MYO19: variants seen among roughly 807,000 people sequenced by gnomAD.
MYO19 encodes the protein myosin XIX, also known as unconventional myosin-XIX.
In MYO19, 132 loss-of-function variants were observed where a neutral mutation model predicts 129.2. The observed-to-expected ratio is 1.02, with a 90% CI of 0.89 to 1.18. The LOEUF (loss-of-function observed/expected upper bound fraction) is 1.18. Ranked by LOEUF, MYO19 falls within the 50% of genes most tolerant of loss-of-function variation. The probability of loss-of-function intolerance (pLI) is 0.00; values close to 1 mark genes in which losing one functional copy is unlikely to be tolerated. For synonymous variants in MYO19, 531 were observed against 477.2 expected, an observed-to-expected ratio of 1.11 and a Z score of -1.47; for missense variants, 1,210 against 1,216.7, an observed-to-expected ratio of 0.99 and a Z score of 0.08.
At chr17:36,508,949 A>T in intron 14 of MYO19, 113 bp downstream of exon 14, 2 of 885,638 alleles carry the variant, frequency 2.3e-6, no homozygotes, top group Non-Finnish European at 3.6e-6. Flanking sequence ...AGGAGACAAA[A>T]AAGGGAAAGG....
rs1314708390 is a variant in MYO19 at position 36,507,798 on chromosome 17, C to A, written c.1353+5G>T. ...GACCTGCCTCCTGCTCACCCCATCC[C>A]TCACCTGCTGGGCCCTTAGGTAGTG... On this transcript the variant is annotated splice_donor_5th_base_variant and intron_variant, in intron 15 of 25. Transcript: ENST00000614623. 2.5e-6 allele frequency: 4 copies of A among 1,605,500 alleles called. No homozygotes were observed. The highest frequency in any genetic ancestry group is 3.4e-4 in the Middle Eastern group (2 of 5,934).
At chr17:36,536,807 G>A (rs1199945005), upstream of MYO19, among the ~76,000 whole-genome samples, 1 of 152,298 alleles carries the variant, frequency 6.6e-6, no homozygotes, top group African/African-American at 2.4e-5. Context: ...GAGCCACCAC[G>A]CCTGGCCCCA....
At chr17:36,535,871 C>T (rs1420133955), upstream of MYO19, among the ~76,000 whole-genome samples, 2 of 151,834 alleles carry the variant, frequency 1.3e-5, no homozygotes, top group African/African-American at 4.8e-5. Flanking sequence ...CTCTCTCCTC[C>T]CAAAGCGCTA....
At chr17:36,537,218 G>T (rs764540154), upstream of MYO19, 1 of 1,614,170 alleles carries the variant, frequency 6.2e-7, no homozygotes, top group Non-Finnish European at 8.5e-7. Flanking sequence ...GAGGGTTCCT[G>T]ATCATTTTCT....
chr17:36,505,563 C>T (rs889068507), intron 18 of MYO19, among the ~76,000 whole-genome samples, 159 bp from the exon 19 acceptor site: 8 of 152,188 alleles, frequency 5.3e-5, no homozygotes, highest in South Asian at 4.1e-4. Flanking sequence ...AGGCTCTCAA[C>T]GAGCAGGCTC....
At chr17:36,507,164 G>C (rs746765375) in intron 16 of MYO19, 25 bp from the exon 17 acceptor site, 2 of 1,587,438 alleles carry the variant, frequency 1.3e-6, no homozygotes, top group East Asian at 4.5e-5. Flanking sequence ...CAGGGGGTCA[G>C]CCACCAACAT....
chr17:36,500,398 A>C (rs1165502851), intron 23 of MYO19: 2 of 163,288 alleles, frequency 1.2e-5, no homozygotes, highest in African/African-American at 4.8e-5. Context: ...CCTTTTCAAA[A>C]TAAGACCACT....
At chr17:36,524,244 T>C (rs1287250961) in intron 6 of MYO19, among the ~76,000 whole-genome samples, 12 of 152,186 alleles carry the variant, frequency 7.9e-5, no homozygotes. Context: ...CTGTCTTTGT[T>C]TTCTTATCTG....
At chr17:36,514,408 C>T (rs761350287) in intron 9 of MYO19, 38 bp downstream of exon 9, 5 of 1,360,314 alleles carry the variant, frequency 3.7e-6, no homozygotes, top group Non-Finnish European at 5.3e-6. Context: ...CCATCCCTGT[C>T]TCGCATCTGG....
intron 13 of MYO19, chr17:36,509,982 T>G (rs1290395243): frequency 6.6e-6 from 1 of 152,234 alleles, no homozygotes; most frequent in East Asian, 1.9e-4. Context: ...CCCTGGACCA[T>G]TTTCAACTCG....
intron 21 of MYO19, chr17:36,502,869 T>TC: frequency 1.7e-6 from 1 of 575,334 alleles, no homozygotes; most frequent in Non-Finnish European, 3.1e-6. Context: ...CAGGAAGCCT[T>TC]CCCCAATTCA....
At chr17:36,535,967 T>C (rs2074107591), upstream of MYO19, among the ~76,000 whole-genome samples, 1 of 152,226 alleles carries the variant, frequency 6.6e-6, no homozygotes, top group Non-Finnish European at 1.5e-5. Flanking sequence ...TGAGATATTG[T>C]CACAGGTTCC....
upstream of MYO19, among the ~76,000 whole-genome samples, chr17:36,543,879 G>C (rs2074216934): frequency 6.6e-6 from 1 of 151,194 alleles, no homozygotes; most frequent in Non-Finnish European, 1.5e-5. Context: ...CACCCACCTC[G>C]GCCTCCCAAA....
chr17:36,504,106 C>T, intron 19 of MYO19, 86 bp from the exon 20 acceptor site: 5 of 1,139,868 alleles, frequency 4.4e-6, no homozygotes, highest in Non-Finnish European at 6.0e-6. Flanking sequence ...TCTTCTTAGA[C>T]CCTGGCCAGT....
At position 36,500,622 on chromosome 17, in the gene MYO19, T is replaced by C. The variant is rs368794771; in HGVS notation, c.2377+208A>G. 12 of 637,808 alleles carry C rather than the reference T, an allele frequency of 1.9e-5. No individual in the cohort carries two copies. In the East Asian group the frequency reaches 3.4e-4, roughly 18 times the overall value. 39.5% of individuals were successfully genotyped at this position (637,808 alleles called of 1,614,324 possible). ...AGCCTCCACTTCTTACAGAGCACCT[T>C]TGTTTGTGGAGTGACTTGGTTTCCA... On this transcript the variant is annotated intron_variant, in intron 23 of 25. Coordinates refer to ENST00000614623, the MANE Select transcript of MYO19 (RefSeq NM_001163735.2).
chr17:36,513,566 C>T, intron 10 of MYO19, 61 bp from the exon 11 acceptor site: 1 of 1,613,638 alleles, frequency 6.2e-7, no homozygotes, highest in Non-Finnish European at 8.5e-7. Context: ...GGGAGGCAGG[C>T]TCTGTACAGA....
chr17:36,524,619 C>A (rs180837267), intron 6 of MYO19, among the ~76,000 whole-genome samples: 1 of 152,230 alleles, frequency 6.6e-6, no homozygotes, highest in African/African-American at 2.4e-5. Flanking sequence ...TCCTCCCCAA[C>A]ACCTGGCCCA....
rs536798559 is a variant in MYO19 at position 36,500,866 on chromosome 17, C to T, written c.2341G>A (p.Glu781Lys). Reference sequence around the variant, plus strand: ...AGCATGACGGCCCGCCACTGCCGCTCCTGCTCTCGGTGCCGGTGTCGCCTC... The same window carrying T: ...AGCATGACGGCCCGCCACTGCCGCTTCTGCTCTCGGTGCCGGTGTCGCCTC... ...GWRRHRHREQ[E>K]RQWRAVMLIQ... is the part of the protein sequence containing the mutation. The change falls in exon 23 of 26, where the codon GAG becomes AAG. Residue 781 changes from glutamate to lysine, a missense_variant. Coordinates refer to ENST00000614623, the MANE Select transcript of MYO19 (RefSeq NM_001163735.2). The T allele has an allele frequency of 5.0e-6, 8 of 1,605,304 alleles. No individual in the cohort carries two copies. The Admixed American group carries it at 5.0e-5, about 10-fold the overall frequency.
intron 23 of MYO19, 167 bp downstream of exon 23, chr17:36,500,663 G>A (rs922925447): frequency 1.3e-5 from 13 of 963,546 alleles, no homozygotes; most frequent in African/African-American, 8.2e-5. Context: ...CTGGAGAGAC[G>A]TTATGAGTGA....
Sources: gnomAD v4.1 joint callset for allele counts (sites outside exome capture counted in the v4.1 genomes callset) on GRCh38, gnomAD v4.1.1 for gene constraint, MANE v1.5 for transcripts, NCBI Gene and HGNC (gene_info 2026-07-23, HGNC 2026-07-21) for gene names.